The following AGBL2 variants were observed in gnomAD, a reference collection of about 807,000 sequenced individuals.
AGBL2 encodes AGBL carboxypeptidase 2, also known as cytosolic carboxypeptidase 2.
A neutral mutation model predicts 103.0 loss-of-function variants in AGBL2; 87 were observed. The ratio of observed to expected loss-of-function variants is 0.84; its 90% CI spans 0.71 to 1.01. AGBL2 has a LOEUF of 1.01. Among genes scored for constraint, AGBL2 ranks in the 50% least tolerant of loss-of-function variants. The pLI is 0.00. For missense variants in AGBL2, 904 were observed against 1,023.5 expected, an observed-to-expected ratio of 0.88 and a Z score of 1.59; for synonymous variants, 335 against 356.7, an observed-to-expected ratio of 0.94 and a Z score of 0.69.
rs1210589890 is a variant in AGBL2, at chr11:47,690,303, G to T, written c.1404C>A (p.Gly468=). The T allele has an allele frequency of 2.5e-6, 4 of 1,613,714 alleles. No individual in the cohort carries two copies. The East Asian group carries it at 8.9e-5, about 36-fold the overall frequency. ...SARVHPGESN[G]SWVMKGFLDF... is the part of the protein sequence containing the mutation. ...CCAAAAAGCCTTTCATAACCCAGGAGCCATTACTTTCTCCAGGGTGAACTC... is the reference window on the plus strand; with the variant it reads ...CCAAAAAGCCTTTCATAACCCAGGATCCATTACTTTCTCCAGGGTGAACTC... The change falls in exon 10 of 19, where the codon GGC becomes GGA. Residue 468 remains glycine (G), a synonymous_variant. Coordinates refer to ENST00000525123, the MANE Select transcript of AGBL2 (RefSeq NM_024783.4).
At chr11:47,710,059 T>A (rs1323213227) in intron 4 of AGBL2, among the ~76,000 whole-genome samples, 1 of 152,046 alleles carries the variant, frequency 6.6e-6, no homozygotes, top group Non-Finnish European at 1.5e-5. Flanking sequence ...CGGCTAATTT[T>A]TATATTTTTA....
chr11:47,665,227 A>G (rs1254438717), intron 17 of AGBL2, among the ~76,000 whole-genome samples: 1 of 150,178 alleles, frequency 6.7e-6, no homozygotes, highest in Non-Finnish European at 1.5e-5. Flanking sequence ...TTGCATTTTT[A>G]GTAGAGGTGG....
Position 47,685,787 on chromosome 11 carries a change from AG to A in AGBL2, c.1788+105del, listed in dbSNP as rs541931718. On this transcript the variant is annotated intron_variant, in intron 11 of 18. Transcript: ENST00000525123. ...AGTCTAGGTTGCTCGGATTTACCAAAGATAATAAAAAGAGATACAAAATGCC... is the reference window on the plus strand; with the variant it reads ...AGTCTAGGTTGCTCGGATTTACCAAAATAATAAAAAGAGATACAAAATGCC... The A allele has an allele frequency of 5.8e-5, 72 of 1,247,514 alleles. No homozygotes were observed. The African/African-American group carries it at 1.0e-3, about 17-fold the overall frequency. The allele number at this position is 1,247,514 out of a possible 1,614,324, so 77.3% of individuals were successfully genotyped here. A position where few individuals can be genotyped will look rare whatever the true frequency, so the allele number is the denominator to read the frequency against.
chr11:47,682,232 T>C, intron 11 of AGBL2, 137 bp from the exon 12 acceptor site: 1 of 894,174 alleles, frequency 1.1e-6, no homozygotes, highest in Non-Finnish European at 1.7e-6. Flanking sequence ...AAATACTAAT[T>C]TGGAGGGATG....
intron 10 of AGBL2, among the ~76,000 whole-genome samples, chr11:47,689,373 T>G (rs996559087): frequency 4.0e-5 from 6 of 150,866 alleles, no homozygotes; most frequent in Non-Finnish European, 7.4e-5. Context: ...GGCACGCTCT[T>G]GGCTCACTGC....
At position 47,679,014 on chromosome 11, in the gene AGBL2, G is replaced by A. The variant is rs1027725971; in HGVS notation, c.2016+959C>T. Among the ~76,000 whole-genome samples, 6 of 118,892 alleles carry A rather than the reference G, an allele frequency of 5.0e-5. No individual in the cohort carries two copies. The East Asian group carries it at 1.2e-3, about 23-fold the overall frequency. The allele number at this position is 118,892 out of a possible 152,430, so 78.0% of individuals were successfully genotyped here. On this transcript the variant is annotated intron_variant, in intron 13 of 18. Transcript: ENST00000525123. ...GTGGAGATTGCAGTGAGCCAAGTTC[G>A]CGCCACTGCACTCCAGCCTGGGCGA...
chr11:47,669,698 A>T (rs946231465), intron 14 of AGBL2, among the ~76,000 whole-genome samples: 9 of 150,938 alleles, frequency 6.0e-5, no homozygotes, highest in East Asian at 1.9e-4. Context: ...AAAAAGAAAA[A>T]TTTTTTTTTG....
In AGBL2 at chr11:47,671,548, A is replaced by T. The variant is rs2097357583; in HGVS notation, c.2148-2641T>A. ...ATCTCAAAAACAAACAAACAAACAA[A>T]CAAACAAAAAACACTTATTGGCACA... is the stretch of plus-strand genomic sequence containing the variant. On this transcript the variant is annotated intron_variant, in intron 14 of 18. Transcript: ENST00000525123. 1.3e-5 allele frequency among the ~76,000 whole-genome samples: 2 copies of T among 151,834 alleles called. 1 individual carries two copies. The highest frequency in any genetic ancestry group is 4.2e-4 in the South Asian group (2 of 4,810).
intron 12 of AGBL2, among the ~76,000 whole-genome samples, chr11:47,680,914 TATAATC>T (rs1161138302): frequency 6.6e-6 from 1 of 152,156 alleles, no homozygotes; most frequent in Non-Finnish European, 1.5e-5. Context: ...ATGAAAAAAT[TATAATC>T]ATGATGGTTC....
chr11:47,692,223 C>G lies in AGBL2; in HGVS notation c.728G>C (p.Arg243Thr). The G allele has an allele frequency of 6.2e-7, 1 of 1,613,732 alleles. No individual in the cohort carries two copies. The highest frequency in any genetic ancestry group is 8.5e-7 in the Non-Finnish European group (1 of 1,179,880). Residue 243 changes from arginine to threonine, a missense_variant, in exon 9 of 19, where the codon AGA becomes ACA. Coordinates refer to ENST00000525123, the MANE Select transcript of AGBL2 (RefSeq NM_024783.4). ...GACAATTCCTCGTTTGCCTCCCACT[C>G]TGGAACTGGTAAAATAGGAACCTTC... The part of the protein sequence containing the change: ...PIEGSYFTSS[R>T]VGGKRGIVKE...
chr11:47,707,024 T>TAAAAA (rs61459888), intron 4 of AGBL2, among the ~76,000 whole-genome samples: 2 of 111,646 alleles, frequency 1.8e-5, no homozygotes, highest in African/African-American at 3.4e-5. Flanking sequence ...CTGTCTCTAC[T>TAAAAA]AAAAAAAAAA....
At chr11:47,660,370 G>A (rs1206588224) in intron 18 of AGBL2, 24 bp from the exon 19 acceptor site, 1 of 1,581,766 alleles carries the variant, frequency 6.3e-7, no homozygotes, top group Non-Finnish European at 8.6e-7. Context: ...ATTTTAAAAA[G>A]TTGAATTCAG....
intron 13 of AGBL2, among the ~76,000 whole-genome samples, chr11:47,678,777 G>T (rs2097388731): frequency 1.3e-5 from 2 of 151,732 alleles, no homozygotes; most frequent in Non-Finnish European, 2.9e-5. Flanking sequence ...AAGACACCTG[G>T]CTGGGCACAG....
At position 47,714,778 on chromosome 11, in the gene AGBL2, A is replaced by T. The variant is rs946100508; in HGVS notation, c.-100-28T>A. On this transcript the variant is annotated intron_variant, in intron 1 of 18. Coordinates refer to ENST00000525123, the MANE Select transcript of AGBL2 (RefSeq NM_024783.4). Reference sequence around the variant, plus strand: ...ACAAAGCCACAAGAGGACAAGTGAAAAAACTGCCAATACCTCCCCGGGCGC... The same window carrying T: ...ACAAAGCCACAAGAGGACAAGTGAATAAACTGCCAATACCTCCCCGGGCGC... 13 of 969,254 alleles carry T rather than the reference A, an allele frequency of 1.3e-5. No individual in the cohort carries two copies. In the African/African-American group the frequency reaches 2.1e-4, roughly 16 times the overall value. 60.0% of individuals were successfully genotyped at this position (969,254 alleles called of 1,614,324 possible). A position where few individuals can be genotyped will look rare whatever the true frequency, so the allele number is the denominator to read the frequency against.
chr11:47,691,727 A>ATATATATATATATGT, intron 9 of AGBL2, among the ~76,000 whole-genome samples: 12 of 3,590 alleles, frequency 3.3e-3, no homozygotes, highest in African/African-American at 8.6e-3. Flanking sequence ...AAAAAAAAAA[A>ATATATATATATATGT]AAATATATAT....
chr11:47,703,446 G>A (rs1257285793), intron 7 of AGBL2, among the ~76,000 whole-genome samples: 1 of 152,194 alleles, frequency 6.6e-6, no homozygotes, highest in Non-Finnish European at 1.5e-5. Context: ...TGATTTTGGT[G>A]AGTTTATATC....
At chr11:47,714,881 C>A (rs1400209571) in intron 1 of AGBL2, 131 bp from the exon 2 acceptor site, 2 of 559,766 alleles carry the variant, frequency 3.6e-6, no homozygotes, top group East Asian at 3.1e-5. Context: ...CACGCCGAGG[C>A]CAGAGGTGCA....
At chr11:47,714,075 C>G (rs2097543351) in intron 3 of AGBL2, 1 of 547,360 alleles carries the variant, frequency 1.8e-6, no homozygotes, top group South Asian at 2.2e-5. Context: ...AGAAACAGAC[C>G]TTTGTATTAA....
At position 47,704,610 on chromosome 11, in the gene AGBL2, C is replaced by T; in HGVS notation, c.519G>A (p.Lys173=). Residue 173 remains lysine (K), a synonymous_variant, in exon 7 of 19, where the codon AAG becomes AAA. Coordinates refer to ENST00000525123, the MANE Select transcript of AGBL2 (RefSeq NM_024783.4). ...PQELFSILST[K]RPLQAPRWPI... is the part of the protein sequence containing the mutation. ...GCCATCTTGGAGCCTGCAGTGGCCT[C>T]TTGGTAGACAAAATGGAAAAGAGCT... The T allele has an allele frequency of 6.2e-7, 1 of 1,614,072 alleles. No individual in the cohort carries two copies. Among genetic ancestry groups the T allele is most frequent in the Non-Finnish European group, 8.5e-7 (1 of 1,180,014 alleles).
Sources: gnomAD v4.1 joint callset for allele counts (sites outside exome capture counted in the v4.1 genomes callset) on GRCh38, gnomAD v4.1.1 for gene constraint, MANE v1.5 for transcripts, NCBI Gene and HGNC (gene_info 2026-07-23, HGNC 2026-07-21) for gene names.